The following LNPK variants were observed in gnomAD, a reference collection of about 807,000 sequenced individuals.
LNPK encodes lunapark, ER junction formation factor, also known as endoplasmic reticulum junction formation protein lunapark.
In LNPK, 29 loss-of-function variants were observed where a neutral mutation model predicts 55.2. That is an observed-to-expected ratio of 0.53 (90% CI 0.39 to 0.72). LNPK has a LOEUF of 0.72. Ranked by LOEUF, LNPK falls within the 30% of genes least tolerant of loss-of-function variation. LNPK has a pLI of 0.00. For synonymous variants in LNPK, 162 were observed against 168.2 expected (o/e 0.96, Z 0.29); for missense variants, 467 against 494.8 (o/e 0.94, Z 0.53).
At chr2:175,992,958 C>T (rs370477647) in intron 3 of LNPK, among the ~76,000 whole-genome samples, 23 of 152,134 alleles carry the variant, frequency 1.5e-4, no homozygotes, top group African/African-American at 5.1e-4. Context: ...CACCACACTA[C>T]AGATCTAATT....
At chr2:175,954,929 A>T (rs1685620748) in intron 8 of LNPK, among the ~76,000 whole-genome samples, 2 of 152,226 alleles carry the variant, frequency 1.3e-5, no homozygotes, top group Admixed American at 6.5e-5. Context: ...ATATTCTAAT[A>T]CAAGCTAAAT....
chr2:175,943,942 GA>G lies in LNPK; in HGVS notation c.706+3537del, dbSNP rs532583721. Among the ~76,000 whole-genome samples the G allele has an allele frequency of 3.9e-5, 6 of 152,074 alleles. No homozygotes were observed. The South Asian group carries it at 1.2e-3, about 31-fold the overall frequency. ...GGTTATAGCTCATATAATAAGGTAA[GA>G]AAAATAAATAGAAGAAAACCAGATT... is the stretch of plus-strand genomic sequence containing the variant. On this transcript the variant is annotated intron_variant, in intron 9 of 12. Coordinates refer to ENST00000272748, the MANE Select transcript of LNPK (RefSeq NM_030650.3).
chr2:175,968,414 T>C (rs1686479511), intron 6 of LNPK, among the ~76,000 whole-genome samples: 1 of 152,200 alleles, frequency 6.6e-6, no homozygotes, highest in Non-Finnish European at 1.5e-5. Context: ...AAAGAGGTAA[T>C]CTTGACTCAT....
At chr2:175,937,001 T>C (rs1411181044) in intron 12 of LNPK, among the ~76,000 whole-genome samples, 1 of 152,176 alleles carries the variant, frequency 6.6e-6, no homozygotes, top group Non-Finnish European at 1.5e-5. Flanking sequence ...CTTTGAACAG[T>C]TGTTTCATAA....
In LNPK at chr2:175,929,585, TAAAAC is replaced by T. The variant is rs1684164325; in HGVS notation, c.*377_*381del. 2 of 1,002,032 alleles carry T rather than the reference TAAAAC, an allele frequency of 2.0e-6. No individual in the cohort carries two copies. Among genetic ancestry groups the T allele is most frequent in the Non-Finnish European group, 2.4e-6 (2 of 840,442 alleles). The allele number at this position is 1,002,032 out of a possible 1,614,324, so 62.1% of individuals were successfully genotyped here. A position where few individuals can be genotyped will look rare whatever the true frequency, so the allele number is the denominator to read the frequency against. ...AAAATCTTAACCAAGTTTCATTCCT[TAAAAC>T]AAACACAATTAGAGAACTTACTCTT... On this transcript the variant is annotated 3_prime_UTR_variant, in exon 13 of 13. Transcript: ENST00000272748.
At chr2:175,971,132 A>G (rs113385298) in intron 5 of LNPK, among the ~76,000 whole-genome samples, 224 of 152,250 alleles carry the variant, frequency 1.5e-3, no homozygotes, top group African/African-American at 5.0e-3. Flanking sequence ...CACCTCACCC[A>G]CATTAATTTA....
chr2:175,984,489 A>G (rs771601513), intron 4 of LNPK, among the ~76,000 whole-genome samples: 2 of 152,082 alleles, frequency 1.3e-5, no homozygotes, highest in Non-Finnish European at 2.9e-5. Flanking sequence ...TTTTATCTAT[A>G]ATATATGAAG....
rs183527125 is a variant in LNPK at position 175,934,100 on chromosome 2, C to T, written c.1054+3244G>A. Among the ~76,000 whole-genome samples the T allele has an allele frequency of 3.8e-3, 578 of 152,200 alleles. 3 individuals carry two copies. The highest frequency in any genetic ancestry group is 0.013 in the East Asian group (65 of 5,192). On this transcript the variant is annotated intron_variant, in intron 12 of 12. Coordinates refer to ENST00000272748, the MANE Select transcript of LNPK (RefSeq NM_030650.3). Reference sequence around the variant, plus strand: ...AAGTGTTTTAGAAAAGGGAGTGAGACGGCCAAAAGATCTCTGTGTCTAAAA... The same window carrying T: ...AAGTGTTTTAGAAAAGGGAGTGAGATGGCCAAAAGATCTCTGTGTCTAAAA...
intron 5 of LNPK, among the ~76,000 whole-genome samples, chr2:175,979,281 G>A (rs1166505452): frequency 1.3e-5 from 2 of 151,892 alleles, no homozygotes; most frequent in African/African-American, 4.8e-5. Context: ...TGTTTTGGTC[G>A]GGCACCATTG....
chr2:175,940,086 T>C (rs1022401538), intron 9 of LNPK, among the ~76,000 whole-genome samples: 1 of 151,940 alleles, frequency 6.6e-6, no homozygotes, highest in South Asian at 2.1e-4. Flanking sequence ...GCAAAACATA[T>C]GAAGTAACAG....
In LNPK at chr2:175,995,665, T is replaced by C. The variant is rs984686909; in HGVS notation, c.-62-19A>G. Reference sequence around the variant, plus strand: ...TTCACAGCTAGAAATAAAGCAAGTATTTAAAATGTTAAGTTAAACACACAG... The same window carrying C: ...TTCACAGCTAGAAATAAAGCAAGTACTTAAAATGTTAAGTTAAACACACAG... On this transcript the variant is annotated intron_variant, in intron 1 of 12. Coordinates refer to ENST00000272748, the MANE Select transcript of LNPK (RefSeq NM_030650.3). The C allele has an allele frequency of 3.2e-6, 4 of 1,234,428 alleles. No individual in the cohort carries two copies. In the African/African-American group the frequency reaches 6.0e-5, roughly 18 times the overall value. The allele number at this position is 1,234,428 out of a possible 1,614,324, so 76.5% of individuals were successfully genotyped here.
chr2:175,973,091 A>G (rs1686736776), intron 5 of LNPK, among the ~76,000 whole-genome samples: 1 of 152,178 alleles, frequency 6.6e-6, no homozygotes, highest in African/African-American at 2.4e-5. Flanking sequence ...TTTCTAAATG[A>G]CTTCACCACA....
chr2:175,941,804 AAAAGAAAAAG>A (rs1559031882), intron 9 of LNPK, among the ~76,000 whole-genome samples: 1 of 147,438 alleles, frequency 6.8e-6, no homozygotes, highest in East Asian at 2.0e-4. Context: ...AAAAAAAAAA[AAAAGAAAAAG>A]AAAAAGAAGA....
At chr2:175,963,626 T>C (rs1054387164) in intron 8 of LNPK, among the ~76,000 whole-genome samples, 21 of 152,088 alleles carry the variant, frequency 1.4e-4, no homozygotes, top group African/African-American at 4.3e-4. Flanking sequence ...GTGGGTGCAG[T>C]GCACCAACAT....
chr2:175,956,236 C>T (rs1400465667), intron 8 of LNPK, among the ~76,000 whole-genome samples: 3 of 148,720 alleles, frequency 2.0e-5, no homozygotes, highest in Non-Finnish European at 4.4e-5. Flanking sequence ...GCCATGATGA[C>T]ACCACTGCAC....
Position 175,999,430 on chromosome 2 carries a change from A to C in LNPK, c.-63+2730T>G, listed in dbSNP as rs117015927. Among the ~76,000 whole-genome samples the C allele has an allele frequency of 8.0e-3, 1,217 of 152,350 alleles. 60 individuals are homozygous for C. The highest frequency in any genetic ancestry group is 0.056 in the Admixed American group (855 of 15,308). ...GACCCCCTTAAATGTTGAAAGACTT[A>C]AATGACCTAATGTATTCTAACCTGT... is the stretch of plus-strand genomic sequence containing the variant. On this transcript the variant is annotated intron_variant, in intron 1 of 12. Transcript: ENST00000272748.
chr2:175,940,728 T>C (rs1417293516), intron 9 of LNPK, among the ~76,000 whole-genome samples: 2 of 152,048 alleles, frequency 1.3e-5, no homozygotes, highest in Non-Finnish European at 2.9e-5. Flanking sequence ...TAGTACACAA[T>C]ATTAAAACAA....
intron 5 of LNPK, among the ~76,000 whole-genome samples, chr2:175,976,363 T>C (rs1230561732): frequency 6.6e-6 from 1 of 152,238 alleles, no homozygotes; most frequent in African/African-American, 2.4e-5. Flanking sequence ...AAAGATTATA[T>C]GACTTGCTGG....
At position 176,002,259 on chromosome 2, in the gene LNPK, CAG is replaced by C. The variant is rs987908522; in HGVS notation, c.-164_-163del. ...CAGAGCAGGCAGCAGCCGCCACTGACAGAGAGACAAGCCGGGCCAACTCCTTC... is the reference window on the plus strand; with the variant it reads ...CAGAGCAGGCAGCAGCCGCCACTGACAGAGACAAGCCGGGCCAACTCCTTC... On this transcript the variant is annotated 5_prime_UTR_variant, in exon 1 of 13. Transcript: ENST00000272748. The C allele has an allele frequency of 6.7e-6, 3 of 450,122 alleles. No homozygotes were observed. The highest frequency in any genetic ancestry group is 8.9e-6 in the Non-Finnish European group (2 of 225,122). The allele number at this position is 450,122 out of a possible 1,614,324, so 27.9% of individuals were successfully genotyped here. A position where few individuals can be genotyped will look rare whatever the true frequency, so the allele number is the denominator to read the frequency against.
Sources: gnomAD v4.1 joint callset for allele counts (sites outside exome capture counted in the v4.1 genomes callset) on GRCh38, gnomAD v4.1.1 for gene constraint, MANE v1.5 for transcripts, NCBI Gene and HGNC (gene_info 2026-07-23, HGNC 2026-07-21) for gene names.